DPP6: variants seen among roughly 807,000 people sequenced by gnomAD.
The protein encoded by DPP6 is dipeptidyl peptidase like 6.
DPP6 carries 69 observed loss-of-function variants against 122.6 expected under a neutral mutation model. The ratio of observed to expected loss-of-function variants is 0.56; its 90% CI spans 0.46 to 0.69. DPP6 has a LOEUF of 0.69. DPP6 is among the 30% of genes least tolerant of loss of function. DPP6 has a pLI of 0.00. For missense variants in DPP6, 928 were observed against 1,116.9 expected, an observed-to-expected ratio of 0.83 and a Z score of 2.41; for synonymous variants, 418 against 433.1, an observed-to-expected ratio of 0.97 and a Z score of 0.43.
At chr7:154,558,962 A>C (rs942741485) in intron 4 of DPP6, among the ~76,000 whole-genome samples, 1 of 152,228 alleles carries the variant, frequency 6.6e-6, no homozygotes, top group African/African-American at 2.4e-5. Flanking sequence ...TCAACAAGAG[A>C]GAATTAAAAA....
intron 1 of DPP6, among the ~76,000 whole-genome samples, chr7:153,945,228 G>A (rs574999697): frequency 3.3e-5 from 5 of 152,272 alleles, no homozygotes; most frequent in African/African-American, 1.2e-4. Context: ...CTTGTTGATT[G>A]TGCATCTGCT....
intron 2 of DPP6, among the ~76,000 whole-genome samples, chr7:154,459,754 C>A (rs1301866014): frequency 3.0e-5 from 4 of 131,650 alleles, no homozygotes; most frequent in African/African-American, 5.9e-5. Context: ...GAGGCTGAGC[C>A]GAGATCATAC....
chr7:154,673,079 G>A (rs117845448), intron 7 of DPP6, among the ~76,000 whole-genome samples: 1,529 of 152,218 alleles, frequency 0.01, 12 homozygotes, highest in Middle Eastern at 0.031. Flanking sequence ...CACCTGCTCC[G>A]TCTGCACAGA....
chr7:154,821,271 CT>C lies in DPP6; in HGVS notation c.1666+14163del, dbSNP rs1242477214. Among the ~76,000 whole-genome samples the C allele has an allele frequency of 6.6e-6, 1 of 152,038 alleles. No homozygotes were observed. The highest frequency in any genetic ancestry group is 1.5e-5 in the Non-Finnish European group (1 of 68,008). ...ACATTTTTAATCTTTTTCCTGATGT[CT>C]TTTCTTTTTTCTTTTTACATTGTTC... On this transcript the variant is annotated intron_variant, in intron 16 of 25. Transcript: ENST00000377770. The surrounding 1 kb of genome is among the most constrained non-coding windows in gnomAD (Gnocchi z 4.2).
the DPP6 span, among the ~76,000 whole-genome samples, chr7:153,813,700 T>C: frequency 1.3e-5 from 2 of 152,000 alleles, no homozygotes; most frequent in African/African-American, 4.8e-5. Context: ...GTTTCCTGAC[T>C]TTTTAATGAT....
chr7:153,892,351 T>C (rs1235070475), intron 1 of DPP6, among the ~76,000 whole-genome samples: 2 of 151,980 alleles, frequency 1.3e-5, no homozygotes, highest in Non-Finnish European at 2.9e-5. Context: ...TCTCACTCTG[T>C]CTCCCAGGCT....
At chr7:154,539,782 T>A (rs1828566893) in intron 3 of DPP6, among the ~76,000 whole-genome samples, 1 of 144,894 alleles carries the variant, frequency 6.9e-6, no homozygotes, top group Non-Finnish European at 1.6e-5. Context: ...AACATTTTTT[T>A]AAATTAAAAA....
Position 154,801,423 on chromosome 7 carries a change from A to G in DPP6, c.1368A>G (p.Gly456=), listed in dbSNP as rs1171856417. 1 of 1,594,360 alleles carries G rather than the reference A, an allele frequency of 6.3e-7. No individual in the cohort carries two copies. The highest frequency in any genetic ancestry group is 2.3e-5 in the East Asian group (1 of 44,328). Residue 456 remains glycine (G), a synonymous_variant, in exon 13 of 26, where the codon GGA becomes GGG. Coordinates refer to ENST00000377770, the MANE Select transcript of DPP6 (RefSeq NM_130797.4). ...TCATCAGAGCCATCCCCCAGGGAGG[A>G]CGAGGGAAATTCTATCACATCACGG... ...FFFIRAIPQG[G]RGKFYHITVS... is the part of the protein sequence containing the mutation.
At chr7:153,804,062 T>C in the DPP6 span, among the ~76,000 whole-genome samples, 2 of 151,666 alleles carry the variant, frequency 1.3e-5, no homozygotes, top group East Asian at 1.9e-4. Flanking sequence ...ACTTTTTTTT[T>C]TTTTTGAGAC....
intron 1 of DPP6, among the ~76,000 whole-genome samples, chr7:154,230,245 A>T (rs1482453179): frequency 2.6e-5 from 4 of 152,216 alleles, no homozygotes; most frequent in Non-Finnish European, 5.9e-5. Context: ...AAGAGGAATA[A>T]GCTATGGCCC....
At chr7:154,145,452 A>T (rs3115150) in intron 1 of DPP6, among the ~76,000 whole-genome samples, 1 of 152,234 alleles carries the variant, frequency 6.6e-6, no homozygotes, top group African/African-American at 2.4e-5. Flanking sequence ...AGCCAAACTC[A>T]TGGGACCCTG....
intron 3 of DPP6, among the ~76,000 whole-genome samples, chr7:154,517,780 A>G (rs1826643237): frequency 6.6e-6 from 1 of 152,198 alleles, no homozygotes; most frequent in South Asian, 2.1e-4. Flanking sequence ...AGCAAAAGCA[A>G]AACAAAAACG....
intron 1 of DPP6, among the ~76,000 whole-genome samples, chr7:154,038,217 A>C (rs1160756894): frequency 6.8e-6 from 1 of 147,022 alleles, no homozygotes; most frequent in East Asian, 2.0e-4. Context: ...GCACCGTGAC[A>C]AACACTGGTT....
intron 1 of DPP6, among the ~76,000 whole-genome samples, chr7:153,908,152 C>T (rs1413014981): frequency 2.0e-5 from 3 of 150,822 alleles, no homozygotes; most frequent in East Asian, 3.9e-4. Flanking sequence ...TTATAGCTTC[C>T]GTGCATCACC....
At chr7:154,365,730 G>T (rs1020604109) in intron 1 of DPP6, among the ~76,000 whole-genome samples, 3 of 152,050 alleles carry the variant, frequency 2.0e-5, no homozygotes, top group African/African-American at 4.8e-5. Flanking sequence ...GAGGCGGGCG[G>T]ATCACAAGGT....
At chr7:154,008,958 C>T (rs1292944901) in intron 1 of DPP6, among the ~76,000 whole-genome samples, 59 of 146,388 alleles carry the variant, frequency 4.0e-4, no homozygotes, top group African/African-American at 1.2e-3. Flanking sequence ...AGCCACCGCG[C>T]CCGGCCAGGA....
chr7:154,152,237 A>G (rs1796461424), intron 1 of DPP6, among the ~76,000 whole-genome samples: 1 of 152,076 alleles, frequency 6.6e-6, no homozygotes, highest in Admixed American at 6.5e-5. Context: ...CAGGTGAAGG[A>G]GGAGACATAA....
intron 1 of DPP6, among the ~76,000 whole-genome samples, chr7:154,358,098 T>G (rs904988393): frequency 1.3e-5 from 2 of 152,218 alleles, no homozygotes; most frequent in African/African-American, 4.8e-5. Flanking sequence ...GATTTTAATT[T>G]TTATGATAAT....
rs138460783 is a variant in DPP6, at chr7:154,016,399, A to T, written c.51+128665A>T. 2.1e-3 allele frequency among the ~76,000 whole-genome samples: 301 copies of T among 144,254 alleles called. 1 individual carries two copies. The highest frequency in any genetic ancestry group is 3.5e-3 in the Non-Finnish European group (232 of 65,722). The allele number at this position is 144,254 out of a possible 152,430, so 94.6% of individuals were successfully genotyped here. ...AACATTCAGTTTTTAAAGTAGGTTT[A>T]TTTTTTTTTTTTTTCAGAGAAGCCA... is the stretch of plus-strand genomic sequence containing the variant. On this transcript the variant is annotated intron_variant, in intron 1 of 25. Coordinates refer to the DPP6 transcript ENST00000404039.
Sources: gnomAD v4.1 joint callset for allele counts (sites outside exome capture counted in the v4.1 genomes callset) on GRCh38, gnomAD v4.1.1 for gene constraint, Gnocchi (gnomAD v3.1) non-coding constraint, MANE v1.5 for transcripts, NCBI Gene and HGNC (gene_info 2026-07-23, HGNC 2026-07-21) for gene names.